ANKRD53: variants seen among roughly 807,000 people sequenced by gnomAD.
ANKRD53 encodes ankyrin repeat domain 53, also known as ankyrin repeat domain-containing protein 53.
ANKRD53 carries 27 observed loss-of-function variants against 30.1 expected under a neutral mutation model. The observed-to-expected ratio is 0.90, with a 90% CI of 0.66 to 1.24. ANKRD53 has a LOEUF of 1.24. Ranked by LOEUF, ANKRD53 falls within the 50% of genes most tolerant of loss-of-function variation. ANKRD53 has a pLI of 0.00. For missense variants in ANKRD53, 682 were observed against 721.0 expected (o/e 0.95, Z 0.62); for synonymous variants, 286 against 295.4 (o/e 0.97, Z 0.33).
Position 70,985,053 on chromosome 2 carries a change from G to A in ANKRD53, c.1346G>A (p.Arg449Gln), listed in dbSNP as rs1336122089. ...GGCCACTGGGTGGCGCCCGTGCCGCGGCTGCCTTTTGAGGTGCTGCTGCGC... is the reference window on the plus strand; with the variant it reads ...GGCCACTGGGTGGCGCCCGTGCCGCAGCTGCCTTTTGAGGTGCTGCTGCGC... The part of the protein sequence containing the change: ...VDGHWVAPVP[R>Q]LPFEVLLRML... The change falls in exon 6 of 6, where the codon CGG (arginine) becomes CAG (glutamine). Residue 449 changes from arginine to glutamine, a missense_variant. Transcript: ENST00000360589. 1.3e-5 allele frequency: 20 copies of A among 1,549,962 alleles called. No individual in the cohort carries two copies. The highest frequency in any genetic ancestry group is 1.7e-4 in the Middle Eastern group (1 of 6,012).
At chr2:70,984,527 GAA>G in intron 5 of ANKRD53, 82 bp from the exon 6 acceptor site, 3 of 1,547,672 alleles carry the variant, frequency 1.9e-6, no homozygotes, top group Non-Finnish European at 2.6e-6. Flanking sequence ...TGTGGTTTCC[GAA>G]AGCTACAGCC....
rs199929092 is a variant in ANKRD53 at position 70,982,557 on chromosome 2, C to T, written c.783-20C>T. ...CTCTGTCACTGTGGGATGACACCCC[C>T]GCCCTGACCTTGGCACCAGGTTCTT... On this transcript the variant is annotated intron_variant, in intron 4 of 5. Coordinates refer to ENST00000360589, the MANE Select transcript of ANKRD53 (RefSeq NM_001115116.2). This position sits in a 1 kb window ranked among gnomAD's most constrained non-coding sequence, Gnocchi z 4.2. 2.7e-4 allele frequency: 428 copies of T among 1,613,502 alleles called. 1 individual carries two copies. The highest frequency in any genetic ancestry group is 8.7e-4 in the South Asian group (79 of 90,992).
rs782063377 is a variant in ANKRD53, at chr2:70,979,107, C to A, written c.181C>A (p.Pro61Thr). 2 of 1,598,374 alleles carry A rather than the reference C, an allele frequency of 1.3e-6. No individual in the cohort carries two copies. The highest frequency in any genetic ancestry group is 1.7e-6 in the Non-Finnish European group (2 of 1,175,240). ...AESKQPSQPL[P>T]DLADHLSAQA... ...TGCCCCGCCCTCCAGCCAGCCCCTGCCCGACCTCGCAGACCACCTCAGTGC... is the reference window on the plus strand; with the variant it reads ...TGCCCCGCCCTCCAGCCAGCCCCTGACCGACCTCGCAGACCACCTCAGTGC... The change falls in exon 2 of 6, where the codon CCC (proline) becomes ACC (threonine). Residue 61 changes from proline (P) to threonine (T), a missense_variant. Physicochemically the swap from Pro to Thr is conservative, Grantham distance 38 (BLOSUM62 -1). Coordinates refer to ENST00000360589, the MANE Select transcript of ANKRD53 (RefSeq NM_001115116.2).
intron 2 of ANKRD53, 61 bp downstream of exon 2, chr2:70,979,404 G>A: frequency 1.9e-6 from 3 of 1,603,496 alleles, no homozygotes; most frequent in Non-Finnish European, 2.6e-6. Context: ...TGCTCGGAGT[G>A]GTCACCTGGA....
chr2:70,984,485 A>T, intron 5 of ANKRD53, 126 bp from the exon 6 acceptor site: 1 of 1,527,944 alleles, frequency 6.5e-7, no homozygotes, highest in East Asian at 2.3e-5. Context: ...TTTCCCTCCC[A>T]TCAGACTCAG....
Position 70,985,482 on chromosome 2 carries a change from T to G in ANKRD53, c.*182T>G. Reference sequence around the variant, plus strand: ...GGCCTCCCTTTTCTCTGCAAATAAATCTCTTGGCACCCCCCCACCGCCGCC... The same window carrying G: ...GGCCTCCCTTTTCTCTGCAAATAAAGCTCTTGGCACCCCCCCACCGCCGCC... On this transcript the variant is annotated 3_prime_UTR_variant, in exon 6 of 6. Coordinates refer to ENST00000360589, the MANE Select transcript of ANKRD53 (RefSeq NM_001115116.2). 1.7e-6 allele frequency: 1 copy of G among 586,596 alleles called. No homozygotes were observed. 36.3% of individuals were successfully genotyped at this position (586,596 alleles called of 1,614,324 possible). A position where few individuals can be genotyped will look rare whatever the true frequency, so the allele number is the denominator to read the frequency against.
chr2:70,982,592 C>T lies in ANKRD53; in HGVS notation c.798C>T (p.Ala266=). 1 of 1,614,024 alleles carries T rather than the reference C, an allele frequency of 6.2e-7. No individual in the cohort carries two copies. Among genetic ancestry groups the T allele is most frequent in the East Asian group, 2.2e-5 (1 of 44,872 alleles). Residue 266 remains alanine, a synonymous_variant, in exon 5 of 6, where the codon GCC becomes GCT. Transcript: ENST00000360589. This position sits in a 1 kb window ranked among gnomAD's most constrained non-coding sequence, Gnocchi z 4.2. The stretch of plus-strand genomic sequence containing the variant: ...TTGGCACCAGGTTCTTGAAGGATGC[C>T]ATGTGGAAAAAGGACAAGAAGGACT... ...HRACARFLKD[A]MWKKDKKDFA... is the part of the protein sequence containing the mutation.
Position 70,982,050 on chromosome 2 carries a change from C to A in ANKRD53, c.732C>A (p.Gly244=). The change falls in exon 4 of 6, where the codon GGC becomes GGA. Residue 244 remains glycine (G), a synonymous_variant. Transcript: ENST00000360589. This position sits in a 1 kb window ranked among gnomAD's most constrained non-coding sequence, Gnocchi z 4.2. ...GANVHAQDAM[G]YKPIDFCKIW... is the part of the protein sequence containing the mutation. ...ACGTCCATGCCCAAGATGCCATGGG[C>A]TACAAACCCATTGACTTCTGCAAAA... 1 of 1,613,596 alleles carries A rather than the reference C, an allele frequency of 6.2e-7. No individual in the cohort carries two copies. The highest frequency in any genetic ancestry group is 8.5e-7 in the Non-Finnish European group (1 of 1,179,738).
Position 70,981,885 on chromosome 2 carries a change from C to T in ANKRD53, c.618-51C>T, listed in dbSNP as rs535667429. 7.8e-5 allele frequency: 117 copies of T among 1,491,192 alleles called. No homozygotes were observed. The East Asian group carries it at 2.8e-3, about 35-fold the overall frequency. The allele number at this position is 1,491,192 out of a possible 1,614,324, so 92.4% of individuals were successfully genotyped here. A position where few individuals can be genotyped will look rare whatever the true frequency, so the allele number is the denominator to read the frequency against. Reference sequence around the variant, plus strand: ...TGTCCATCTATCTGATGGACAGATGCTCTTTGTCTTTCCTTTCTGCCCTTA... The same window carrying T: ...TGTCCATCTATCTGATGGACAGATGTTCTTTGTCTTTCCTTTCTGCCCTTA... On this transcript the variant is annotated intron_variant, in intron 3 of 5. Coordinates refer to ENST00000360589, the MANE Select transcript of ANKRD53 (RefSeq NM_001115116.2).
rs1422918858 is a variant in ANKRD53 at position 70,979,589 on chromosome 2, A to C, written c.418-72A>C. On this transcript the variant is annotated intron_variant, in intron 2 of 5. Transcript: ENST00000360589. ...GAAGAAAGTGAAGGTAACCCCAATA[A>C]ATTTATATAAATTGTGGACCCTGGG... 6 of 1,492,528 alleles carry C rather than the reference A, an allele frequency of 4.0e-6. No individual in the cohort carries two copies. In the East Asian group the frequency reaches 9.9e-5, roughly 25 times the overall value. 92.5% of individuals were successfully genotyped at this position (1,492,528 alleles called of 1,614,324 possible). A position where few individuals can be genotyped will look rare whatever the true frequency, so the allele number is the denominator to read the frequency against.
chr2:70,982,328 C>T lies in ANKRD53; in HGVS notation c.782+228C>T. ...GCTCTCTGGGTTGATCACTGCCCTC[C>T]TTTCCTGCCCTGGGGCCCCTGGCTC... is the stretch of plus-strand genomic sequence containing the variant. On this transcript the variant is annotated intron_variant, in intron 4 of 5. Coordinates refer to ENST00000360589, the MANE Select transcript of ANKRD53 (RefSeq NM_001115116.2). The surrounding 1 kb of genome is among the most constrained non-coding windows in gnomAD (Gnocchi z 4.2). The T allele has an allele frequency of 4.1e-6, 3 of 733,212 alleles. No individual in the cohort carries two copies. Among genetic ancestry groups the T allele is most frequent in the Non-Finnish European group, 6.4e-6 (3 of 465,590 alleles). The allele number at this position is 733,212 out of a possible 1,614,324, so 45.4% of individuals were successfully genotyped here.
Position 70,985,391 on chromosome 2 carries a change from G to A in ANKRD53, c.*91G>A. On this transcript the variant is annotated 3_prime_UTR_variant, in exon 6 of 6. Coordinates refer to ENST00000360589, the MANE Select transcript of ANKRD53 (RefSeq NM_001115116.2). Reference sequence around the variant, plus strand: ...GTGGGTGGCGAGGAAAGGGGGAGGGGTGCCTATGGGCTTCCCACTCCCAAG... The same window carrying A: ...GTGGGTGGCGAGGAAAGGGGGAGGGATGCCTATGGGCTTCCCACTCCCAAG... 6 of 1,234,002 alleles carry A rather than the reference G, an allele frequency of 4.9e-6. No individual in the cohort carries two copies. In the South Asian group the frequency reaches 7.3e-5, roughly 15 times the overall value. 76.4% of individuals were successfully genotyped at this position (1,234,002 alleles called of 1,614,324 possible). A position where few individuals can be genotyped will look rare whatever the true frequency, so the allele number is the denominator to read the frequency against.
rs1553424555 is a variant in ANKRD53, at chr2:70,985,041, C to T, written c.1334C>T (p.Ala445Val). 1.1e-5 allele frequency: 17 copies of T among 1,549,502 alleles called. No homozygotes were observed. Among genetic ancestry groups the T allele is most frequent in the Middle Eastern group, 1.7e-4 (1 of 5,992 alleles). ...RLHTVDGHWVAPVPRLPFEVL... is the reference protein window; with the variant it reads ...RLHTVDGHWVVPVPRLPFEVL... ...CACACAGTGGACGGCCACTGGGTGGCGCCCGTGCCGCGGCTGCCTTTTGAG... is the reference window on the plus strand; with the variant it reads ...CACACAGTGGACGGCCACTGGGTGGTGCCCGTGCCGCGGCTGCCTTTTGAG... Residue 445 changes from alanine to valine, a missense_variant, in exon 6 of 6, where the codon GCG becomes GTG. Ala to Val is a moderately conservative substitution (Grantham distance 64). Coordinates refer to ENST00000360589, the MANE Select transcript of ANKRD53 (RefSeq NM_001115116.2).
chr2:70,984,220 T>A, intron 5 of ANKRD53: 1 of 1,614,234 alleles, frequency 6.2e-7, no homozygotes, highest in Non-Finnish European at 8.5e-7. Flanking sequence ...GACTGTGGAT[T>A]CCTTTGGAGA....
At position 70,980,882 on chromosome 2, in the gene ANKRD53, C is replaced by A. The variant is rs552584169; in HGVS notation, c.617+1022C>A. Among the ~76,000 whole-genome samples, 4 of 151,458 alleles carry A rather than the reference C, an allele frequency of 2.6e-5. No individual in the cohort carries two copies. In the South Asian group the frequency reaches 8.4e-4, roughly 32 times the overall value. On this transcript the variant is annotated intron_variant, in intron 3 of 5. Coordinates refer to ENST00000360589, the MANE Select transcript of ANKRD53 (RefSeq NM_001115116.2). ...AATGGCGTGAACCTGGGAGGCAGAG[C>A]TTGCAGTGAGCCAAGATCGTGCCAC...
In ANKRD53 at chr2:70,978,698, C is replaced by T; in HGVS notation, c.53C>T (p.Ser18Leu). The T allele has an allele frequency of 1.3e-6, 2 of 1,546,116 alleles. No homozygotes were observed. The highest frequency in any genetic ancestry group is 1.7e-6 in the Non-Finnish European group (2 of 1,145,728). ...ARRAGSGSWHSERGEGRGARP... is the reference protein window; with the variant it reads ...ARRAGSGSWHLERGEGRGARP... ...CGGGCGGGCTCCGGAAGCTGGCACT[C>T]AGAAAGGGGAGAAGGGAGAGGTGCT... The change falls in exon 1 of 6, where the codon TCA (serine) becomes TTA (leucine). Residue 18 changes from serine (S) to leucine (L), a missense_variant. Coordinates refer to ENST00000360589, the MANE Select transcript of ANKRD53 (RefSeq NM_001115116.2). The surrounding 1 kb of genome is among the most constrained non-coding windows in gnomAD (Gnocchi z 4.3).
chr2:70,984,300 T>G, intron 5 of ANKRD53: 1 of 1,613,780 alleles, frequency 6.2e-7, no homozygotes, highest in Non-Finnish European at 8.5e-7. Context: ...CCATGTCAAG[T>G]TGGAGTCTCA....
Position 70,984,895 on chromosome 2 carries a change from C to T in ANKRD53, c.1188C>T (p.Pro396=). ...WNVSNNPARP[P]TTQISHSQGI... ...TTAGCAACAACCCCGCCAGACCCCC[C>T]ACCACCCAGATCAGCCACTCGCAGG... Residue 396 remains proline, a synonymous_variant, in exon 6 of 6, where the codon CCC becomes CCT. Transcript: ENST00000360589. The T allele has an allele frequency of 6.4e-7, 1 of 1,550,732 alleles. No homozygotes were observed.
Position 70,985,439 on chromosome 2 carries a change from T to A in ANKRD53, c.*139T>A. On this transcript the variant is annotated 3_prime_UTR_variant, in exon 6 of 6. Coordinates refer to ENST00000360589, the MANE Select transcript of ANKRD53 (RefSeq NM_001115116.2). ...AAGCTCGAGGAGTCACCCTTCCCAA[T>A]CAAAAGCCCAGACCCCAGGCCTCCC... The A allele has an allele frequency of 1.3e-6, 1 of 756,500 alleles. No homozygotes were observed. The highest frequency in any genetic ancestry group is 2.1e-6 in the Non-Finnish European group (1 of 481,988). 46.9% of individuals were successfully genotyped at this position (756,500 alleles called of 1,614,324 possible). A position where few individuals can be genotyped will look rare whatever the true frequency, so the allele number is the denominator to read the frequency against.
Sources: gnomAD v4.1 joint callset for allele counts (sites outside exome capture counted in the v4.1 genomes callset) on GRCh38, gnomAD v4.1.1 for gene constraint, Gnocchi (gnomAD v3.1) non-coding constraint, MANE v1.5 for transcripts, NCBI Gene and HGNC (gene_info 2026-07-23, HGNC 2026-07-21) for gene names.